Variants in SOX5 observed in about 807,000 individuals in gnomAD.
SOX5 encodes SRY-box transcription factor 5, also known as transcription factor SOX-5.
A neutral mutation model predicts 92.0 loss-of-function variants in SOX5; 9 were observed. The observed-to-expected ratio is 0.10, with a 90% CI of 0.06 to 0.17. The LOEUF (loss-of-function observed/expected upper bound fraction) is 0.17. Among genes scored for constraint, SOX5 ranks in the 10% least tolerant of loss-of-function variants. The pLI, the probability that SOX5 is intolerant of heterozygous loss-of-function variation, is 1.00. For synonymous variants in SOX5, 344 were observed against 336.3 expected, an observed-to-expected ratio of 1.02 and a Z score of -0.25; for missense variants, 642 against 944.5, an observed-to-expected ratio of 0.68 and a Z score of 4.20.
Position 24,324,864 on chromosome 12 carries a change from C to G in SOX5, c.-174+43699G>C, listed in dbSNP as rs373580470. 3.2e-4 allele frequency among the ~76,000 whole-genome samples: 49 copies of G among 152,078 alleles called. No homozygotes were observed. The East Asian group carries it at 6.4e-3, about 20-fold the overall frequency. Reference sequence around the variant, plus strand: ...GGTAGTCAATAAAGGTTAGTTATTACTTTAGTTAGTACCTTTTAGACCTAG... The same window carrying G: ...GGTAGTCAATAAAGGTTAGTTATTAGTTTAGTTAGTACCTTTTAGACCTAG... On this transcript the variant is annotated intron_variant, in intron 2 of 4. Transcript: ENST00000446891.
At chr12:24,038,310 T>C (rs1956233059) in intron 4 of SOX5, among the ~76,000 whole-genome samples, 1 of 152,154 alleles carries the variant, frequency 6.6e-6, no homozygotes, top group African/African-American at 2.4e-5. Flanking sequence ...CCTCCCAGGC[T>C]TTCCTGCTAC....
chr12:24,320,274 C>T lies in SOX5; in HGVS notation c.-173-42962G>A, dbSNP rs77442947. On this transcript the variant is annotated intron_variant, in intron 2 of 4. Coordinates refer to the SOX5 transcript ENST00000446891. The stretch of plus-strand genomic sequence containing the variant: ...ATAAAATGTTCCCTCCTAGTTAACC[C>T]AAATAAGTAGCTTTAATATGAGTTT... 7.9e-4 allele frequency among the ~76,000 whole-genome samples: 121 copies of T among 152,248 alleles called. 2 individuals are homozygous for T. The East Asian group carries it at 0.023, about 28-fold the overall frequency.
At chr12:23,674,079 T>C (rs2085252492) in intron 6 of SOX5, among the ~76,000 whole-genome samples, 2 of 152,176 alleles carry the variant, frequency 1.3e-5, no homozygotes, top group Non-Finnish European at 2.9e-5. Context: ...TACACTAGTT[T>C]ATGTATACTT....
rs75112616 is a variant in SOX5 at position 23,776,905 on chromosome 12, C to A, written c.482-21181G>T. 3.0e-3 allele frequency among the ~76,000 whole-genome samples: 460 copies of A among 152,252 alleles called. 4 individuals carry two copies. The highest frequency in any genetic ancestry group is 0.01 in the African/African-American group (431 of 41,540). On this transcript the variant is annotated intron_variant, in intron 3 of 14. Transcript: ENST00000451604. ...GTCAGCGGTCCAGGGGTTGGGGACCCCTGATCTAAAGCAATATAGCCTTAT... is the reference window on the plus strand; with the variant it reads ...GTCAGCGGTCCAGGGGTTGGGGACCACTGATCTAAAGCAATATAGCCTTAT...
At chr12:24,106,821 T>C (rs1946741308) in intron 4 of SOX5, among the ~76,000 whole-genome samples, 1 of 146,964 alleles carries the variant, frequency 6.8e-6, no homozygotes, top group Admixed American at 6.8e-5. Context: ...ATAATAATAA[T>C]AATAATAATA....
At chr12:23,624,629 C>T (rs1404813154) in intron 8 of SOX5, among the ~76,000 whole-genome samples, 1 of 152,122 alleles carries the variant, frequency 6.6e-6, no homozygotes, top group African/African-American at 2.4e-5. Flanking sequence ...GCTCAAACTC[C>T]ACTGTCTTAT....
intron 2 of SOX5, among the ~76,000 whole-genome samples, chr12:23,888,691 A>C (rs1246109166): frequency 2.6e-5 from 4 of 152,182 alleles, no homozygotes; most frequent in Non-Finnish European, 5.9e-5. Flanking sequence ...TAATTTCCCA[A>C]AACAATGCAA....
chr12:23,568,098 T>A (rs577322192), intron 10 of SOX5, among the ~76,000 whole-genome samples: 1 of 152,314 alleles, frequency 6.6e-6, no homozygotes, highest in East Asian at 1.9e-4. Flanking sequence ...CAAGGTGAGA[T>A]CACCCTGAAA....
chr12:23,558,219 G>A (rs978220654), intron 11 of SOX5, among the ~76,000 whole-genome samples: 3 of 152,108 alleles, frequency 2.0e-5, no homozygotes, highest in African/African-American at 7.2e-5. Flanking sequence ...TCTCAGAGAA[G>A]ACAGGATTAG....
intron 3 of SOX5, among the ~76,000 whole-genome samples, chr12:23,806,546 T>G (rs2142293827): frequency 6.9e-6 from 1 of 145,200 alleles, no homozygotes. Context: ...AAGACTGAGG[T>G]GCTATTTTAC....
At chr12:23,889,194 C>T (rs2097103125) in intron 2 of SOX5, among the ~76,000 whole-genome samples, 1 of 152,176 alleles carries the variant, frequency 6.6e-6, no homozygotes, top group Non-Finnish European at 1.5e-5. Context: ...ACAATAACCA[C>T]ACTGGTTTAA....
chr12:23,991,190 CAA>C (rs35062844), intron 4 of SOX5, among the ~76,000 whole-genome samples: 34,083 of 141,588 alleles, frequency 0.24, 4,055 homozygotes, highest in Non-Finnish European at 0.27. Flanking sequence ...CCCGTCTCTG[CAA>C]AAAAAAAAAA....
chr12:24,402,724 CTGGT>C (rs1417616106), intron 1 of SOX5, among the ~76,000 whole-genome samples: 1 of 152,136 alleles, frequency 6.6e-6, no homozygotes, highest in African/African-American at 2.4e-5. Context: ...GAGTTTTTAA[CTGGT>C]TGAACTTAGA....
chr12:23,848,084 C>A (rs1336272523), intron 2 of SOX5, among the ~76,000 whole-genome samples: 1 of 152,114 alleles, frequency 6.6e-6, no homozygotes, highest in Non-Finnish European at 1.5e-5. Flanking sequence ...CACAGAAGAT[C>A]TTCCTTCTTA....
chr12:23,581,894 AT>A (rs899390046), intron 9 of SOX5, among the ~76,000 whole-genome samples: 16 of 148,966 alleles, frequency 1.1e-4, no homozygotes, highest in African/African-American at 3.7e-4. Flanking sequence ...GATTGAAAAA[AT>A]ATATATATAT....
intron 3 of SOX5, among the ~76,000 whole-genome samples, chr12:23,812,268 TC>T (rs966253680): frequency 5.3e-5 from 8 of 152,064 alleles, no homozygotes; most frequent in African/African-American, 1.9e-4. Context: ...TAATCATCTA[TC>T]AAACAAGCTG....
At chr12:23,787,467 T>C (rs975740661) in intron 3 of SOX5, among the ~76,000 whole-genome samples, 1 of 152,032 alleles carries the variant, frequency 6.6e-6, no homozygotes, top group Non-Finnish European at 1.5e-5. Flanking sequence ...GAAACCTTTC[T>C]TTTCCATATC....
At chr12:24,220,518 A>C (rs1960150465) in intron 3 of SOX5, among the ~76,000 whole-genome samples, 1 of 152,180 alleles carries the variant, frequency 6.6e-6, no homozygotes, top group South Asian at 2.1e-4. Flanking sequence ...AACTTTCCTA[A>C]TAATAAAAGG....
At chr12:24,194,381 GTCTGTA>G (rs1956806988) in intron 4 of SOX5, among the ~76,000 whole-genome samples, 1 of 152,062 alleles carries the variant, frequency 6.6e-6, no homozygotes. Context: ...ACATGCAGGT[GTCTGTA>G]TCTATCTATC....
Sources: gnomAD v4.1 joint callset for allele counts (sites outside exome capture counted in the v4.1 genomes callset) on GRCh38, gnomAD v4.1.1 for gene constraint, MANE v1.5 for transcripts, NCBI Gene and HGNC (gene_info 2026-07-23, HGNC 2026-07-21) for gene names.